RCAN2: variants seen among roughly 807,000 people sequenced by gnomAD.
RCAN2 encodes calcipressin-2.
RCAN2 carries 9 observed loss-of-function variants against 23.6 expected under a neutral mutation model. The observed-to-expected ratio is 0.38, with a 90% CI of 0.23 to 0.67. The LOEUF (loss-of-function observed/expected upper bound fraction) is 0.67, where lower values mean the gene tolerates loss of function less well. RCAN2 is among the 30% of genes least tolerant of loss of function. The pLI is 0.51. For missense variants in RCAN2, 273 were observed against 302.3 expected (o/e 0.90, Z 0.72); for synonymous variants, 109 against 115.7 (o/e 0.94, Z 0.37).
intron 1 of RCAN2, among the ~76,000 whole-genome samples, chr6:46,480,068 G>A (rs1768814902): frequency 6.6e-6 from 1 of 152,164 alleles, no homozygotes; most frequent in East Asian, 1.9e-4. Context: ...CCATGCAGCA[G>A]TATTATTCAT....
chr6:46,484,981 A>T (rs945295951), intron 1 of RCAN2, among the ~76,000 whole-genome samples: 1 of 152,242 alleles, frequency 6.6e-6, no homozygotes. Context: ...TGCTTGTGGG[A>T]AAGTTCATTA....
Position 46,392,576 on chromosome 6 carries a change from G to A in RCAN2, c.225+64176C>T, listed in dbSNP as rs1375335570. ...AGACCATCCATAACAAGGAAGCACA[G>A]AAAATAATGTCTGGTGGGGGAAGGA... On this transcript the variant is annotated intron_variant, in intron 2 of 4. Transcript: ENST00000371374. 2.0e-5 allele frequency among the ~76,000 whole-genome samples: 3 copies of A among 152,158 alleles called. No individual in the cohort carries two copies. The East Asian group carries it at 5.8e-4, about 29-fold the overall frequency.
chr6:46,226,165 A>G (rs1410373439), intron 4 of RCAN2, among the ~76,000 whole-genome samples: 2 of 152,174 alleles, frequency 1.3e-5, no homozygotes, highest in Non-Finnish European at 2.9e-5. Context: ...TGGTACCAGT[A>G]CCGTGCTATT....
intron 2 of RCAN2, among the ~76,000 whole-genome samples, chr6:46,352,966 T>A (rs941034244): frequency 1.1e-4 from 16 of 152,036 alleles, no homozygotes; most frequent in African/African-American, 3.9e-4. Context: ...ACTTGCCAAG[T>A]GAGGAGGACA....
chr6:46,418,498 C>T (rs948024962), intron 2 of RCAN2, among the ~76,000 whole-genome samples: 1 of 151,790 alleles, frequency 6.6e-6, no homozygotes, highest in Non-Finnish European at 1.5e-5. Context: ...CCTTTAATGA[C>T]TACGTGGATC....
At chr6:46,230,480 T>C (rs1765845043) in intron 4 of RCAN2, among the ~76,000 whole-genome samples, 1 of 152,186 alleles carries the variant, frequency 6.6e-6, no homozygotes, top group Non-Finnish European at 1.5e-5. Flanking sequence ...CAATGGTGGA[T>C]GCCCCTCCTC....
chr6:46,473,088 C>T (rs1768614545), intron 1 of RCAN2, among the ~76,000 whole-genome samples: 1 of 152,154 alleles, frequency 6.6e-6, no homozygotes, highest in Non-Finnish European at 1.5e-5. Context: ...TTTTAGAAGT[C>T]ATGTTTCAGG....
chr6:46,253,458 T>G (rs1171264279), intron 2 of RCAN2, among the ~76,000 whole-genome samples: 1 of 152,188 alleles, frequency 6.6e-6, no homozygotes, highest in African/African-American at 2.4e-5. Flanking sequence ...CAAGGGCAGC[T>G]TAGGACAGCT....
chr6:46,269,833 G>T (rs916156281), intron 2 of RCAN2, among the ~76,000 whole-genome samples: 3 of 152,126 alleles, frequency 2.0e-5, no homozygotes, highest in Non-Finnish European at 4.4e-5. Context: ...CAGATTCAAG[G>T]TGGCAATGAG....
intron 2 of RCAN2, among the ~76,000 whole-genome samples, chr6:46,318,059 G>A (rs1329080144): frequency 6.6e-6 from 1 of 152,124 alleles, no homozygotes; most frequent in Admixed American, 6.5e-5. Context: ...ATATAATATT[G>A]ATCCATGGAG....
At chr6:46,304,917 G>A (rs1388071557) in intron 2 of RCAN2, among the ~76,000 whole-genome samples, 1 of 152,130 alleles carries the variant, frequency 6.6e-6, no homozygotes, top group African/African-American at 2.4e-5. Flanking sequence ...GCAAATGACA[G>A]GTGTGTGAAC....
intron 2 of RCAN2, among the ~76,000 whole-genome samples, chr6:46,373,900 A>G (rs1415171856): frequency 1.3e-5 from 2 of 152,182 alleles, no homozygotes; most frequent in African/African-American, 4.8e-5. Flanking sequence ...GGAAGTCTTG[A>G]CAGGAATAAT....
At chr6:46,290,702 A>G (rs984260813) in intron 2 of RCAN2, among the ~76,000 whole-genome samples, 2 of 152,226 alleles carry the variant, frequency 1.3e-5, no homozygotes, top group African/African-American at 4.8e-5. Context: ...AACAGTATTA[A>G]TATGGTGCTG....
At chr6:46,424,111 G>A (rs1249064430) in intron 2 of RCAN2, among the ~76,000 whole-genome samples, 2 of 152,126 alleles carry the variant, frequency 1.3e-5, no homozygotes, top group African/African-American at 4.8e-5. Context: ...GAAGTTTCAT[G>A]AGCCCCTGAC....
chr6:46,225,362 TC>T (rs1174146565), intron 4 of RCAN2, among the ~76,000 whole-genome samples: 1 of 152,206 alleles, frequency 6.6e-6, no homozygotes, highest in African/African-American at 2.4e-5. Context: ...TGCCACACTG[TC>T]TTCCACAAAG....
intron 2 of RCAN2, among the ~76,000 whole-genome samples, chr6:46,342,851 A>C (rs1365139477): frequency 6.6e-6 from 1 of 152,132 alleles, no homozygotes; most frequent in Non-Finnish European, 1.5e-5. Context: ...TCACAGCCAA[A>C]GAGTAAGTCT....
intron 2 of RCAN2, among the ~76,000 whole-genome samples, chr6:46,292,360 A>G (rs1455732292): frequency 3.3e-5 from 5 of 151,948 alleles, no homozygotes; most frequent in African/African-American, 4.8e-5. Flanking sequence ...TCCCAATATA[A>G]TTAGTAGATT....
chr6:46,228,568 T>C (rs772244153), intron 4 of RCAN2, among the ~76,000 whole-genome samples: 26 of 152,294 alleles, frequency 1.7e-4, no homozygotes, highest in Middle Eastern at 6.8e-3. Context: ...TGGTTTAAAG[T>C]CTGTTTTATC....
intron 2 of RCAN2, among the ~76,000 whole-genome samples, chr6:46,259,790 T>G (rs1767049195): frequency 1.3e-5 from 2 of 152,214 alleles, no homozygotes; most frequent in South Asian, 4.1e-4. Context: ...CACAACCTCC[T>G]CCTCAGGTTC....
Sources: allele counts gnomAD v4.1 joint callset (sites outside exome capture counted in the v4.1 genomes callset), GRCh38; gene constraint gnomAD v4.1.1; transcripts MANE v1.5; gene names NCBI Gene and HGNC (gene_info 2026-07-23, HGNC 2026-07-21).